TUSC3: variants seen among roughly 807,000 people sequenced by gnomAD.
TUSC3 encodes dolichyl-diphosphooligosaccharide--protein glycosyltransferase subunit TUSC3.
Under a neutral mutation model 44.8 loss-of-function variants are expected in TUSC3, and 45 were observed. The observed-to-expected ratio is 1.00, with a 90% confidence interval of 0.79 to 1.29. The LOEUF is 1.29. Ranked by LOEUF, TUSC3 falls within the 50% of genes most tolerant of loss-of-function variation. TUSC3 has a pLI of 0.00. For missense variants in TUSC3, 519 were observed against 437.9 expected, an observed-to-expected ratio of 1.19 and a Z score of -1.65; for synonymous variants, 212 against 152.9, an observed-to-expected ratio of 1.39 and a Z score of -2.85.
At chr8:15,662,115 A>G in intron 4 of TUSC3, 41 bp from the exon 5 acceptor site, 2 of 1,608,330 alleles carry the variant, frequency 1.2e-6, no homozygotes, top group Non-Finnish European at 1.7e-6. Flanking sequence ...GAAAAATTTT[A>G]TTTTTCTTTC....
chr8:15,686,726 A>G (rs185548542), intron 6 of TUSC3, among the ~76,000 whole-genome samples: 1 of 152,270 alleles, frequency 6.6e-6, no homozygotes, highest in East Asian at 1.9e-4. Flanking sequence ...TACAGTCTTC[A>G]TACCACCAGC....
chr8:15,474,162 C>T (rs1046571518), intron 1 of TUSC3, among the ~76,000 whole-genome samples: 1 of 152,186 alleles, frequency 6.6e-6, no homozygotes, highest in African/African-American at 2.4e-5. Context: ...AAATATGGCT[C>T]TGTTTTGCCC....
chr8:15,600,964 T>G (rs1366572448), intron 1 of TUSC3, among the ~76,000 whole-genome samples: 2 of 151,616 alleles, frequency 1.3e-5, no homozygotes, highest in East Asian at 1.9e-4. Flanking sequence ...TACTTTGTAT[T>G]TAGTTAAAAT....
intron 2 of TUSC3, among the ~76,000 whole-genome samples, chr8:15,508,955 A>G (rs570649955): frequency 1.2e-4 from 18 of 152,306 alleles, no homozygotes; most frequent in African/African-American, 4.3e-4. Flanking sequence ...TTAGAAAGTT[A>G]TATAACTGTC....
At chr8:15,657,129 C>G (rs971673331) in intron 3 of TUSC3, among the ~76,000 whole-genome samples, 13 of 152,188 alleles carry the variant, frequency 8.5e-5, no homozygotes, top group Admixed American at 7.2e-4. Flanking sequence ...ACCTGGCTTC[C>G]TTTCCATCTC....
intron 6 of TUSC3, among the ~76,000 whole-genome samples, chr8:15,687,276 TG>T (rs1808676911): frequency 6.6e-6 from 1 of 152,134 alleles, no homozygotes; most frequent in Non-Finnish European, 1.5e-5. Context: ...CATCATCTAG[TG>T]GGGATACATA....
intron 6 of TUSC3, among the ~76,000 whole-genome samples, chr8:15,728,152 A>G (rs1405867944): frequency 6.6e-6 from 1 of 152,198 alleles, no homozygotes; most frequent in Non-Finnish European, 1.5e-5. Flanking sequence ...ATTACATGAT[A>G]TGATGTTTTT....
intron 1 of TUSC3, among the ~76,000 whole-genome samples, chr8:15,582,147 A>G (rs573139443): frequency 0.011 from 1,645 of 152,304 alleles, 22 homozygotes; most frequent in African/African-American, 0.034. Flanking sequence ...AAGTGAGGCA[A>G]TGCCTCGCCC....
chr8:15,606,832 T>G (rs1804548495), intron 1 of TUSC3, among the ~76,000 whole-genome samples: 1 of 152,106 alleles, frequency 6.6e-6, no homozygotes, highest in African/African-American at 2.4e-5. Context: ...TGTGACTTCT[T>G]GAAAGATGTT....
At chr8:15,463,097 T>G (rs1800368668) in intron 1 of TUSC3, among the ~76,000 whole-genome samples, 1 of 151,888 alleles carries the variant, frequency 6.6e-6, no homozygotes, top group African/African-American at 2.4e-5. Flanking sequence ...CCTCTCTGTG[T>G]CTCTCTCTCT....
At chr8:15,448,725 G>C (rs1800144602) in intron 1 of TUSC3, among the ~76,000 whole-genome samples, 1 of 152,136 alleles carries the variant, frequency 6.6e-6, no homozygotes, top group Admixed American at 6.6e-5. Context: ...AACTAAAAAT[G>C]TTTTAATTGC....
At chr8:15,665,908 TTGGTTC>T (rs1348159654) in intron 5 of TUSC3, among the ~76,000 whole-genome samples, 1 of 151,366 alleles carries the variant, frequency 6.6e-6, no homozygotes, top group Non-Finnish European at 1.5e-5. Flanking sequence ...GTATCATTGA[TTGGTTC>T]TGGTTCTGGT....
chr8:15,541,454 G>C (rs965357116), intron 1 of TUSC3, among the ~76,000 whole-genome samples: 16 of 152,172 alleles, frequency 1.1e-4, no homozygotes, highest in Non-Finnish European at 1.8e-4. Context: ...TCCTGGTTAA[G>C]TTGTACACCT....
intron 2 of TUSC3, among the ~76,000 whole-genome samples, chr8:15,639,773 A>T (rs886270650): frequency 2.5e-5 from 3 of 119,968 alleles, no homozygotes; most frequent in African/African-American, 9.8e-5. Flanking sequence ...TCTTAGATGC[A>T]TAAGAGTCGT....
intron 1 of TUSC3, among the ~76,000 whole-genome samples, chr8:15,598,797 ATAATC>A (rs1410210985): frequency 9.2e-5 from 14 of 151,674 alleles, no homozygotes; most frequent in Admixed American, 7.9e-4. Flanking sequence ...ATAGCACTGA[ATAATC>A]TATTGTCTGG....
At chr8:15,697,190 C>G (rs1470177666) in intron 6 of TUSC3, among the ~76,000 whole-genome samples, 1 of 152,082 alleles carries the variant, frequency 6.6e-6, no homozygotes, top group East Asian at 1.9e-4. Context: ...GTTAATCTTG[C>G]TAATGGTCTA....
chr8:15,800,223 T>G, the TUSC3 span, among the ~76,000 whole-genome samples: 1 of 152,154 alleles, frequency 6.6e-6, no homozygotes, highest in African/African-American at 2.4e-5. Flanking sequence ...CATGCCAAAT[T>G]TGCTCTTTGT....
chr8:15,481,550 G>C (rs889444068), intron 1 of TUSC3, among the ~76,000 whole-genome samples: 5 of 152,116 alleles, frequency 3.3e-5, no homozygotes. Flanking sequence ...GCATTCCACA[G>C]AGGTATTGCA....
At chr8:15,505,393 T>G (rs532939856) in intron 2 of TUSC3, among the ~76,000 whole-genome samples, 1 of 152,282 alleles carries the variant, frequency 6.6e-6, no homozygotes, top group Admixed American at 6.5e-5. Flanking sequence ...TTGTACTTAA[T>G]GTACTATGTC....
Sources: allele counts gnomAD v4.1 joint callset (sites outside exome capture counted in the v4.1 genomes callset), GRCh38; gene constraint gnomAD v4.1.1; transcripts MANE v1.5; gene names NCBI Gene and HGNC (gene_info 2026-07-23, HGNC 2026-07-21).